SMARCA2: variants seen among roughly 807,000 people sequenced by gnomAD.
The protein encoded by SMARCA2 is SWI/SNF-related matrix-associated actin-dependent regulator of chromatin subfamily A member 2.
A neutral mutation model predicts 199.8 loss-of-function variants in SMARCA2; 61 were observed. That is an observed-to-expected ratio of 0.31 (90% confidence interval 0.25 to 0.38). The LOEUF is 0.38. Among genes scored for constraint, SMARCA2 ranks in the 10% least tolerant of loss-of-function variants. The probability of loss-of-function intolerance (pLI) is 1.00; values close to 1 mark genes in which losing one functional copy is unlikely to be tolerated. For missense variants in SMARCA2, 1,344 were observed against 2,012.2 expected (o/e 0.67, Z 6.35); for synonymous variants, 935 against 732.0 (o/e 1.28, Z -4.48).
At position 2,070,399 on chromosome 9, in the gene SMARCA2, C is replaced by G. The variant is rs374155591; in HGVS notation, c.1693-19C>G. ...CATCATCTTGGTTACTTATAACATT[C>G]GACATTGTTGTTTTGCAGAAGGCTG... On this transcript the variant is annotated intron_variant, in intron 9 of 33. Coordinates refer to ENST00000349721, the MANE Select transcript of SMARCA2 (RefSeq NM_003070.5). The G allele has an allele frequency of 6.2e-7, 1 of 1,611,230 alleles. No individual in the cohort carries two copies. The highest frequency in any genetic ancestry group is 8.5e-7 in the Non-Finnish European group (1 of 1,177,586).
At chr9:2,133,613 A>C (rs1441357858) in intron 27 of SMARCA2, among the ~76,000 whole-genome samples, 1 of 151,782 alleles carries the variant, frequency 6.6e-6, no homozygotes, top group Non-Finnish European at 1.5e-5. Flanking sequence ...TTTTTAATCA[A>C]TAAGGCTACA....
intron 29 of SMARCA2, among the ~76,000 whole-genome samples, chr9:2,179,988 A>G (rs1413657181): frequency 6.6e-6 from 1 of 152,218 alleles, no homozygotes; most frequent in Non-Finnish European, 1.5e-5. Context: ...ACAGACCAGA[A>G]ATTGTGGCCC....
chr9:2,083,217 T>C (rs926580853), intron 15 of SMARCA2, 130 bp from the exon 16 acceptor site: 13 of 499,662 alleles, frequency 2.6e-5, no homozygotes, highest in African/African-American at 4.0e-5. Context: ...AAAATAAATA[T>C]CTTGTTGAGA....
intron 28 of SMARCA2, among the ~76,000 whole-genome samples, chr9:2,168,934 C>T (rs955984191): frequency 6.6e-6 from 1 of 152,190 alleles, no homozygotes; most frequent in African/African-American, 2.4e-5. Flanking sequence ...ACAATCTACT[C>T]TGTAAAGCGT....
At chr9:2,159,693 G>A (rs747860108) in intron 27 of SMARCA2, 40 of 1,295,410 alleles carry the variant, frequency 3.1e-5, no homozygotes, top group Non-Finnish European at 3.8e-5. Flanking sequence ...CTTGTAGTAG[G>A]TAGCATGAAA....
At chr9:2,190,572 A>G (rs570767608) in intron 32 of SMARCA2, among the ~76,000 whole-genome samples, 5 of 152,344 alleles carry the variant, frequency 3.3e-5, no homozygotes, top group South Asian at 4.1e-4. Context: ...ACGTGTGTAT[A>G]TATACTTACT....
At chr9:2,145,765 C>G (rs545093644) in intron 27 of SMARCA2, among the ~76,000 whole-genome samples, 6 of 152,300 alleles carry the variant, frequency 3.9e-5, no homozygotes, top group African/African-American at 1.4e-4. Context: ...TATCTAGTTT[C>G]CCTCCCTCAT....
intron 21 of SMARCA2, among the ~76,000 whole-genome samples, chr9:2,099,448 G>T (rs1175902763): frequency 6.6e-6 from 1 of 152,136 alleles, no homozygotes; most frequent in East Asian, 1.9e-4. Flanking sequence ...GCCATGCTGG[G>T]CTAAGTAGGG....
At chr9:2,188,582 A>G (rs776088702) in intron 32 of SMARCA2, among the ~76,000 whole-genome samples, 1 of 152,220 alleles carries the variant, frequency 6.6e-6, no homozygotes, top group African/African-American at 2.4e-5. Context: ...GTTTTCAAAG[A>G]GCTGCTCTCT....
chr9:2,027,452 A>T (rs1414023365), intron 1 of SMARCA2, among the ~76,000 whole-genome samples: 1 of 152,176 alleles, frequency 6.6e-6, no homozygotes, highest in Non-Finnish European at 1.5e-5. Context: ...AAAATATGAA[A>T]AATTAAAATA....
Position 2,181,591 on chromosome 9 carries a change from A to C in SMARCA2, c.4274A>C (p.Glu1425Ala), listed in dbSNP as rs772427840. The part of the protein sequence containing the change: ...EGNSSGRQLS[E>A]VFIQLPSRKE... Reference sequence around the variant, plus strand: ...TACAGTTCAGGGCGACAGCTCAGTGAAGTCTTCATTCAGTTACCTTCAAGG... The same window carrying C: ...TACAGTTCAGGGCGACAGCTCAGTGCAGTCTTCATTCAGTTACCTTCAAGG... Residue 1425 changes from glutamate to alanine, a missense_variant, in exon 30 of 34, where the codon GAA becomes GCA. Coordinates refer to ENST00000349721, the MANE Select transcript of SMARCA2 (RefSeq NM_003070.5). The C allele has an allele frequency of 3.1e-6, 5 of 1,596,334 alleles. No individual in the cohort carries two copies. Among genetic ancestry groups the C allele is most frequent in the Non-Finnish European group, 4.3e-6 (5 of 1,163,720 alleles).
intron 12 of SMARCA2, chr9:2,075,109 G>C (rs1563750967): frequency 6.6e-6 from 1 of 152,372 alleles, no homozygotes; most frequent in East Asian, 1.9e-4. Context: ...CTTGTCCCTG[G>C]GCCCATCACA....
intron 14 of SMARCA2, 54 bp from the exon 15 acceptor site, chr9:2,081,778 G>C: frequency 6.5e-7 from 1 of 1,547,054 alleles, no homozygotes; most frequent in Non-Finnish European, 8.9e-7. Context: ...GTTGTATTAG[G>C]ATTAATTACC....
At chr9:2,132,320 A>ATT (rs1490021568) in intron 27 of SMARCA2, among the ~76,000 whole-genome samples, 1 of 152,228 alleles carries the variant, frequency 6.6e-6, no homozygotes, top group Non-Finnish European at 1.5e-5. Context: ...TCTGGGCTGC[A>ATT]TTAAGTATGA....
rs578143503 is a variant in SMARCA2, at chr9:2,039,800, G to A, written c.690G>A (p.Gln230=). The A allele has an allele frequency of 2.5e-6, 4 of 1,605,074 alleles. No homozygotes were observed. The highest frequency in any genetic ancestry group is 3.4e-6 in the Non-Finnish European group (4 of 1,175,036). ...AACAGCAGCAGCAGCAGCAGCAGCA[G>A]CAGCAGCAGCAGCAGCAACAGCAGC... ...QQQQQQQQQQ[Q]QQQQQQQQPQ... is the part of the protein sequence containing the mutation. Residue 230 remains glutamine (Q), a synonymous_variant, in exon 4 of 34, where the codon CAG becomes CAA. Coordinates refer to ENST00000349721, the MANE Select transcript of SMARCA2 (RefSeq NM_003070.5). This position sits in a 1 kb window ranked among gnomAD's most constrained non-coding sequence, Gnocchi z 4.8.
At position 2,047,287 on chromosome 9, in the gene SMARCA2, C is replaced by T. The variant is rs1203753532; in HGVS notation, c.849C>T (p.Pro283=). The T allele has an allele frequency of 5.1e-6, 5 of 989,542 alleles. No homozygotes were observed. The East Asian group carries it at 4.3e-4, about 85-fold the overall frequency. 61.3% of individuals were successfully genotyped at this position (989,542 alleles called of 1,614,324 possible). A position where few individuals can be genotyped will look rare whatever the true frequency, so the allele number is the denominator to read the frequency against. The change falls in exon 5 of 34, where the codon CCC becomes CCT. Residue 283 remains proline (P), a synonymous_variant. Transcript: ENST00000349721. The stretch of plus-strand genomic sequence containing the variant: ...CGCAGAAGCTGCCGGTGCCCGCGCC[C>T]GGCGGCCGGCCCTCGCCCGCGCCCC... ...STPQKLPVPA[P]GGRPSPAPPA...
chr9:2,132,511 T>A (rs927250545), intron 27 of SMARCA2, among the ~76,000 whole-genome samples: 1 of 152,256 alleles, frequency 6.6e-6, no homozygotes, highest in Non-Finnish European at 1.5e-5. Flanking sequence ...AATATTTGGC[T>A]GCATTTGTTT....
intron 21 of SMARCA2, among the ~76,000 whole-genome samples, chr9:2,101,207 C>T (rs774341537): frequency 6.6e-6 from 1 of 152,024 alleles, no homozygotes; most frequent in Non-Finnish European, 1.5e-5. Context: ...TGTTTTTGTG[C>T]TCTTCTAGTC....
At chr9:2,141,987 C>A (rs915578108) in intron 27 of SMARCA2, among the ~76,000 whole-genome samples, 1 of 152,064 alleles carries the variant, frequency 6.6e-6, no homozygotes, top group Non-Finnish European at 1.5e-5. Flanking sequence ...GAGACCTGCC[C>A]GTGAAGGCTG....
Sources: gnomAD v4.1 joint callset for allele counts (sites outside exome capture counted in the v4.1 genomes callset) on GRCh38, gnomAD v4.1.1 for gene constraint, Gnocchi (gnomAD v3.1) non-coding constraint, MANE v1.5 for transcripts, NCBI Gene and HGNC (gene_info 2026-07-23, HGNC 2026-07-21) for gene names.